The following SATL1 variants were observed in gnomAD, a reference collection of about 807,000 sequenced individuals.
SATL1 encodes spermidine/spermine N(1)-acetyltransferase-like protein 1.
Under a neutral mutation model 51.8 loss-of-function variants are expected in SATL1, and 47 were observed. The ratio of observed to expected loss-of-function variants is 0.91; its 90% CI spans 0.72 to 1.16. SATL1 has a LOEUF of 1.16. SATL1 is among the 50% of genes most tolerant of loss of function. The probability of loss-of-function intolerance (pLI) is 0.00; values close to 1 mark genes in which losing one functional copy is unlikely to be tolerated. For synonymous variants in SATL1, 176 were observed against 182.4 expected, an observed-to-expected ratio of 0.97 and a Z score of 0.28; for missense variants, 520 against 526.4, an observed-to-expected ratio of 0.99 and a Z score of 0.12.
chrX:85,171,498 A>T (rs1366922657), intron 2 of SATL1, among the ~76,000 whole-genome samples: 1 of 111,661 alleles, frequency 9.0e-6, no homozygotes, highest in African/African-American at 3.2e-5. Flanking sequence ...TGTTCAAATT[A>T]TGATAAGAAA....
At chrX:85,175,785 A>AG (rs1178684913) in intron 2 of SATL1, among the ~76,000 whole-genome samples, 2 of 111,238 alleles carry the variant, frequency 1.8e-5, no homozygotes, top group East Asian at 5.7e-4. Context: ...ACTTTAGTCA[A>AG]GGGGGGCAGT....
chrX:85,194,559 C>A (rs1263599700), intron 2 of SATL1, among the ~76,000 whole-genome samples: 1 of 110,762 alleles, frequency 9.0e-6, no homozygotes, highest in African/African-American at 3.3e-5. Context: ...TTGGTAATAC[C>A]ACTCACTATG....
At chrX:85,128,217 G>A (rs1357811432) in intron 2 of SATL1, among the ~76,000 whole-genome samples, 8 of 111,369 alleles carry the variant, frequency 7.2e-5, no homozygotes, top group Non-Finnish European at 3.8e-5. Context: ...TTGAGGAATC[G>A]CCACACTGTC....
intron 2 of SATL1, among the ~76,000 whole-genome samples, chrX:85,176,706 C>T (rs181197761): frequency 3.6e-5 from 4 of 110,729 alleles, no homozygotes; most frequent in Admixed American, 2.9e-4. Flanking sequence ...CACAAGCAAC[C>T]GTAAAATTGA....
At chrX:85,160,026 A>C (rs1926683989) in intron 2 of SATL1, among the ~76,000 whole-genome samples, 1 of 73,807 alleles carries the variant, frequency 1.4e-5, no homozygotes, top group South Asian at 8.8e-4. Flanking sequence ...TCGGGGCCCA[A>C]TATCAGTCCC....
rs113486056 is a variant in SATL1 at position 85,158,145 on chromosome X, GT to G, written c.-312-48866del. ...TGCTTTTTCATGCAAATTCATCACTGTTTTTTTTTTTATTCAGCTAGCTCAC... is the reference window on the plus strand; with the variant it reads ...TGCTTTTTCATGCAAATTCATCACTGTTTTTTTTTTATTCAGCTAGCTCAC... On this transcript the variant is annotated intron_variant, in intron 2 of 7. Transcript: ENST00000644105. 4.8e-3 allele frequency among the ~76,000 whole-genome samples: 504 copies of G among 104,883 alleles called. 3 individuals carry two copies. Among genetic ancestry groups the G allele is most frequent in the Admixed American group, 8.2e-3 (80 of 9,706 alleles). 91.1% of individuals were successfully genotyped at this position (104,883 alleles called of 115,157 possible).
At chrX:85,138,636 T>C (rs1015281757) in intron 2 of SATL1, among the ~76,000 whole-genome samples, 1 of 112,288 alleles carries the variant, frequency 8.9e-6, no homozygotes, top group African/African-American at 3.2e-5. Context: ...TGGGCTTTTA[T>C]TTCTTTGCAT....
chrX:85,214,467 A>G (rs1009071717), intron 2 of SATL1, among the ~76,000 whole-genome samples: 6 of 111,523 alleles, frequency 5.4e-5, no homozygotes, highest in Non-Finnish European at 1.1e-4. Flanking sequence ...TTTCAACATG[A>G]GATTTGGAAG....
At chrX:85,240,924 TC>T (rs1208520907) in intron 1 of SATL1, among the ~76,000 whole-genome samples, 3 of 110,505 alleles carry the variant, frequency 2.7e-5, no homozygotes, top group African/African-American at 9.9e-5. Flanking sequence ...GCACCTGGCC[TC>T]CTGTGTACTT....
At chrX:85,154,844 A>G (rs1000489901) in intron 2 of SATL1, among the ~76,000 whole-genome samples, 4 of 112,607 alleles carry the variant, frequency 3.6e-5, no homozygotes, top group East Asian at 2.8e-4. Context: ...ATAACAGTAT[A>G]GTAAAATCTC....
chrX:85,132,414 G>A (rs922488901), intron 2 of SATL1, among the ~76,000 whole-genome samples: 7 of 109,601 alleles, frequency 6.4e-5, no homozygotes, highest in South Asian at 8.0e-4. Context: ...TTCAATCACC[G>A]GTACCCTTTC....
At chrX:85,165,559 C>CTAAAT (rs1926816614) in intron 2 of SATL1, among the ~76,000 whole-genome samples, 1 of 110,041 alleles carries the variant, frequency 9.1e-6, no homozygotes, top group Admixed American at 9.7e-5. Context: ...TTAGAGATTT[C>CTAAAT]TGGTTGGTTT....
chrX:85,131,158 T>C (rs1006760492), intron 2 of SATL1, among the ~76,000 whole-genome samples: 2 of 111,916 alleles, frequency 1.8e-5, no homozygotes, highest in Non-Finnish European at 3.8e-5. Context: ...AGATGTCTAT[T>C]CGGTCTGCTT....
intron 2 of SATL1, among the ~76,000 whole-genome samples, chrX:85,158,150 T>G (rs1045401967): frequency 2.7e-5 from 3 of 111,438 alleles, no homozygotes; most frequent in Non-Finnish European, 5.7e-5. Context: ...TCACTGTTTT[T>G]TTTTTTATTC....
In SATL1 at chrX:85,107,435, T is replaced by A. The variant is rs1438367184; in HGVS notation, c.1534A>T (p.Ser512Cys). Residue 512 changes from serine to cysteine, a missense_variant, in exon 3 of 8, where the codon AGC (serine) becomes TGC (cysteine). By Grantham distance (112) the Ser-to-Cys change is moderately radical. This residue lies in a region of SATL1 where 488 missense variants were observed against 474.3 expected (regional missense o/e 1.03). Transcript: ENST00000644105. ...SQPGLSQPGR[S>C]QPSVSQMGMR... is the part of the protein sequence containing the mutation. ...CCCATTTGGCTCACACTTGGTTGGC[T>A]CCTGCCTGGTTGACTCAGGCCTGGT... 1 of 1,212,311 alleles carries A rather than the reference T, an allele frequency of 8.2e-7. No individual in the cohort carries two copies. The highest frequency in any genetic ancestry group is 1.1e-6 in the Non-Finnish European group (1 of 895,433).
rs189070203 is a variant in SATL1, at chrX:85,177,184, C to G, written c.-313+47021G>C. ...TGGGATTCTGAATTAGATCCTAGAC[C>G]AGGAAAATTATATTAGTGGGAAAAC... On this transcript the variant is annotated intron_variant, in intron 2 of 7. Transcript: ENST00000644105. 7.4e-3 allele frequency among the ~76,000 whole-genome samples: 820 copies of G among 111,289 alleles called. 7 individuals are homozygous for G. The highest frequency in any genetic ancestry group is 0.011 in the Non-Finnish European group (580 of 52,810).
rs757098818 is a variant in SATL1, at chrX:85,148,657, T to C, written c.-312-39377A>G. 6.0e-3 allele frequency among the ~76,000 whole-genome samples: 671 copies of C among 111,758 alleles called. 13 individuals carry two copies. The highest frequency in any genetic ancestry group is 0.021 in the African/African-American group (636 of 30,765). On this transcript the variant is annotated intron_variant, in intron 2 of 7. Coordinates refer to ENST00000644105, the MANE Select transcript of SATL1 (RefSeq NM_001367857.2). The stretch of plus-strand genomic sequence containing the variant: ...CAAGCCAGAAGAGAGTGGAGGCCAA[T>C]ATTCAACATTCTTAAAGAAAAGAAT...
intron 2 of SATL1, among the ~76,000 whole-genome samples, chrX:85,181,269 T>A (rs999002157): frequency 1.8e-5 from 2 of 108,654 alleles, no homozygotes; most frequent in Non-Finnish European, 3.8e-5. Flanking sequence ...TCTAAGTGAA[T>A]GCCCATGGAA....
At chrX:85,181,754 G>A (rs1927208275) in intron 2 of SATL1, among the ~76,000 whole-genome samples, 1 of 111,618 alleles carries the variant, frequency 9.0e-6, no homozygotes, top group Admixed American at 9.5e-5. Context: ...TGGAATGTGA[G>A]CCATCTCTGT....
Sources: gnomAD v4.1 joint callset for allele counts (sites outside exome capture counted in the v4.1 genomes callset) on GRCh38, gnomAD v4.1.1 for gene constraint, gnomAD v4.1.1 regional missense constraint, MANE v1.5 for transcripts, NCBI Gene and HGNC (gene_info 2026-07-23, HGNC 2026-07-21) for gene names.